The following FSTL4 variants were observed in gnomAD, a reference collection of about 807,000 sequenced individuals.
FSTL4 encodes the protein follistatin-related protein 4.
FSTL4 carries 28 observed loss-of-function variants against 78.2 expected under a neutral mutation model. That is an observed-to-expected ratio of 0.36 (90% confidence interval 0.27 to 0.49). FSTL4 has a LOEUF of 0.49. Ranked by LOEUF, FSTL4 falls within the 20% of genes least tolerant of loss-of-function variation. FSTL4 has a pLI of 0.98. For synonymous variants in FSTL4, 422 were observed against 440.5 expected (o/e 0.96, Z 0.53); for missense variants, 922 against 1,084.9 (o/e 0.85, Z 2.11).
the FSTL4 span, among the ~76,000 whole-genome samples, chr5:133,777,042 C>G: frequency 6.6e-6 from 1 of 152,126 alleles, no homozygotes; most frequent in African/African-American, 2.4e-5. Context: ...TGCACATGAA[C>G]TCACTCCCCA....
At chr5:133,339,415 T>C (rs1410795274) in intron 4 of FSTL4, among the ~76,000 whole-genome samples, 1 of 152,078 alleles carries the variant, frequency 6.6e-6, no homozygotes, top group Admixed American at 6.6e-5. Flanking sequence ...TTCCTGCATG[T>C]CACTATCCTG....
intron 8 of FSTL4, among the ~76,000 whole-genome samples, chr5:133,232,915 T>G (rs540022782): frequency 6.6e-6 from 1 of 152,314 alleles, no homozygotes; most frequent in South Asian, 2.1e-4. Context: ...TCAGTTTCTG[T>G]CCTGGCTTGG....
chr5:133,382,780 G>A (rs1008418197), intron 4 of FSTL4, among the ~76,000 whole-genome samples: 2 of 152,174 alleles, frequency 1.3e-5, no homozygotes, highest in African/African-American at 2.4e-5. Flanking sequence ...CCAGTTAACT[G>A]AGAAACACAT....
chr5:133,303,531 G>C (rs780858588), intron 6 of FSTL4, among the ~76,000 whole-genome samples: 9 of 152,226 alleles, frequency 5.9e-5, no homozygotes, highest in Non-Finnish European at 1.0e-4. Context: ...CTGGCCCTGA[G>C]TGTGGCCCAC....
chr5:133,224,028 A>G (rs1283328819), intron 11 of FSTL4, 162 bp downstream of exon 11: 2 of 549,086 alleles, frequency 3.6e-6, no homozygotes, highest in Non-Finnish European at 6.6e-6. Flanking sequence ...GTACATTTTA[A>G]ATTTGATTCA....
At chr5:133,711,002 T>C in the FSTL4 span, among the ~76,000 whole-genome samples, 2 of 152,232 alleles carry the variant, frequency 1.3e-5, 1 homozygote, top group Non-Finnish European at 2.9e-5. Flanking sequence ...AGTTGCACTC[T>C]GCGCTCACAG....
At chr5:133,771,615 A>C in the FSTL4 span, among the ~76,000 whole-genome samples, 3 of 152,138 alleles carry the variant, frequency 2.0e-5, no homozygotes, top group Admixed American at 6.6e-5. Flanking sequence ...TTTATTTATC[A>C]AACCTAAGGA....
At chr5:133,568,119 T>G (rs544434165) in intron 2 of FSTL4, among the ~76,000 whole-genome samples, 59 of 152,100 alleles carry the variant, frequency 3.9e-4, no homozygotes, top group Non-Finnish European at 8.1e-4. Context: ...TTGGGTGGTA[T>G]GAAAATTCAG....
chr5:133,485,644 G>C (rs1032302404), intron 3 of FSTL4, among the ~76,000 whole-genome samples: 1 of 152,136 alleles, frequency 6.6e-6, no homozygotes, highest in Non-Finnish European at 1.5e-5. Flanking sequence ...AACAAGCTGC[G>C]GTCCTAAGTG....
At chr5:133,392,934 T>C (rs1755887385) in intron 4 of FSTL4, among the ~76,000 whole-genome samples, 1 of 152,238 alleles carries the variant, frequency 6.6e-6, no homozygotes, top group Admixed American at 6.5e-5. Context: ...GTACAGCAGT[T>C]CTGTGGAGCA....
intron 2 of FSTL4, among the ~76,000 whole-genome samples, chr5:133,592,179 G>A (rs1261255597): frequency 6.6e-6 from 1 of 152,030 alleles, no homozygotes; most frequent in Non-Finnish European, 1.5e-5. Context: ...TCCACCCAGC[G>A]CATTTCTGTG....
chr5:133,832,299 A>G, the FSTL4 span, among the ~76,000 whole-genome samples: 1 of 152,222 alleles, frequency 6.6e-6, no homozygotes, highest in Non-Finnish European at 1.5e-5. Context: ...GATTTACAGT[A>G]TTAAATGTCC....
chr5:133,518,104 T>C (rs368004650), intron 3 of FSTL4, among the ~76,000 whole-genome samples: 5 of 152,326 alleles, frequency 3.3e-5, no homozygotes, highest in African/African-American at 1.2e-4. Context: ...GCACTTTATA[T>C]GCATATAAAC....
chr5:133,798,970 A>AAGGGAGGG, the FSTL4 span, among the ~76,000 whole-genome samples: 1 of 61,920 alleles, frequency 1.6e-5, no homozygotes, highest in African/African-American at 1.2e-4. Context: ...GGGAGGGAGG[A>AAGGGAGGG]AGGGAGGGAG....
chr5:133,698,895 G>A, the FSTL4 span, among the ~76,000 whole-genome samples: 565 of 152,350 alleles, frequency 3.7e-3, 1 homozygote, highest in African/African-American at 0.013. Context: ...ACAGACCCAC[G>A]GCTCTCAGGT....
chr5:133,446,876 C>G (rs1757275036), intron 3 of FSTL4, among the ~76,000 whole-genome samples: 1 of 152,234 alleles, frequency 6.6e-6, no homozygotes, highest in Admixed American at 6.5e-5. Flanking sequence ...CTCAGGCACT[C>G]TGACCATCCA....
At chr5:133,212,675 TGA>T (rs1750771269) in intron 13 of FSTL4, among the ~76,000 whole-genome samples, 1 of 151,400 alleles carries the variant, frequency 6.6e-6, no homozygotes, top group Non-Finnish European at 1.5e-5. Context: ...AAAGAAGAGG[TGA>T]GAGAGAACGA....
intron 3 of FSTL4, among the ~76,000 whole-genome samples, chr5:133,480,212 A>T (rs1257359404): frequency 1.3e-5 from 2 of 152,204 alleles, no homozygotes; most frequent in African/African-American, 2.4e-5. Flanking sequence ...CAGCTCCACC[A>T]CTAACTGGCC....
intron 6 of FSTL4, among the ~76,000 whole-genome samples, chr5:133,297,207 G>A (rs1254160505): frequency 2.0e-5 from 3 of 152,212 alleles, no homozygotes; most frequent in South Asian, 4.1e-4. Flanking sequence ...TTGCAAATGC[G>A]TATTAATTGG....
Sources: gnomAD v4.1 joint callset for allele counts (sites outside exome capture counted in the v4.1 genomes callset) on GRCh38, gnomAD v4.1.1 for gene constraint, MANE v1.5 for transcripts, NCBI Gene and HGNC (gene_info 2026-07-23, HGNC 2026-07-21) for gene names.